Variants in MAN1A2 observed in about 807,000 individuals in gnomAD.
The protein encoded by MAN1A2 is mannosidase alpha class 1A member 2, also known as mannosyl-oligosaccharide 1,2-alpha-mannosidase IB.
Under a neutral mutation model 75.7 loss-of-function variants are expected in MAN1A2, and 26 were observed. The observed-to-expected ratio is 0.34, with a 90% confidence interval of 0.25 to 0.48. MAN1A2 has a LOEUF of 0.48. MAN1A2 is among the 20% of genes least tolerant of loss of function. The pLI, the probability that MAN1A2 is intolerant of heterozygous loss-of-function variation, is 0.99. For synonymous variants in MAN1A2, 247 were observed against 264.6 expected, an observed-to-expected ratio of 0.93 and a Z score of 0.65; for missense variants, 562 against 775.5, an observed-to-expected ratio of 0.72 and a Z score of 3.27.
chr1:117,405,688 C>T (rs751349838), intron 3 of MAN1A2, 43 bp downstream of exon 3: 2 of 1,078,648 alleles, frequency 1.9e-6, no homozygotes, highest in South Asian at 2.6e-5. Flanking sequence ...TTTCTACCTC[C>T]ATCTTTTAAA....
chr1:117,386,818 C>A (rs1049252659), intron 1 of MAN1A2, among the ~76,000 whole-genome samples: 1 of 151,932 alleles, frequency 6.6e-6, no homozygotes, highest in African/African-American at 2.4e-5. Flanking sequence ...TATATTTCCA[C>A]GTAATCGGGA....
chr1:117,395,803 TCTGGCACCA>T (rs540539174), intron 1 of MAN1A2, among the ~76,000 whole-genome samples: 171 of 152,272 alleles, frequency 1.1e-3, no homozygotes, highest in Non-Finnish European at 1.0e-3. Context: ...CACTCTCACA[TCTGGCACCA>T]CTTGCAAATT....
At chr1:117,475,764 T>C (rs1026781224) in intron 8 of MAN1A2, among the ~76,000 whole-genome samples, 2 of 152,188 alleles carry the variant, frequency 1.3e-5, no homozygotes, top group African/African-American at 4.8e-5. Flanking sequence ...CAGTCTATCA[T>C]TGATGGGCAT....
At chr1:117,411,367 A>G (rs768377062) in intron 3 of MAN1A2, among the ~76,000 whole-genome samples, 16 of 151,808 alleles carry the variant, frequency 1.1e-4, no homozygotes, top group Admixed American at 5.9e-4. Context: ...TGCTGGGTCA[A>G]CTGTATATTT....
At chr1:117,438,974 A>G (rs12401325) in intron 5 of MAN1A2, among the ~76,000 whole-genome samples, 11,624 of 152,310 alleles carry the variant, frequency 0.076, 498 homozygotes, top group Middle Eastern at 0.15. Flanking sequence ...AGGAGTTTAA[A>G]TTTCAAATAG....
rs59022844 is a variant in MAN1A2 at position 117,526,880 on chromosome 1, C to CTATATATATATATA, written c.*3939_*3952dup. On this transcript the variant is annotated 3_prime_UTR_variant, in exon 13 of 13. Transcript: ENST00000356554. ...TCTCTCTCTCTCTCTCTCTCTCTCT[C>CTATATATATATATA]TATATATATATATATATATATATAT... is the stretch of plus-strand genomic sequence containing the variant. 56 of 54,494 alleles carry CTATATATATATATA rather than the reference C, an allele frequency of 1.0e-3. No homozygotes were observed. The highest frequency in any genetic ancestry group is 2.1e-3 in the African/African-American group (26 of 12,280). The allele number at this position is 54,494 out of a possible 1,614,324, so 3.4% of individuals were successfully genotyped here. A position where few individuals can be genotyped will look rare whatever the true frequency, so the allele number is the denominator to read the frequency against.
intron 5 of MAN1A2, among the ~76,000 whole-genome samples, chr1:117,431,629 T>G (rs575315786): frequency 6.6e-6 from 1 of 152,312 alleles, no homozygotes; most frequent in Non-Finnish European, 1.5e-5. Context: ...ATAAAACACA[T>G]TCAGTCAATT....
Position 117,487,222 on chromosome 1 carries a change from A to T in MAN1A2, c.1169-5925A>T, listed in dbSNP as rs1022647438. ...GGGAAGTTATTTCAGAATGTGATTC[A>T]GTAAAACAGGTGTAGACAAAGACTT... On this transcript the variant is annotated intron_variant, in intron 8 of 12. Coordinates refer to ENST00000356554, the MANE Select transcript of MAN1A2 (RefSeq NM_006699.5). 2.6e-5 allele frequency among the ~76,000 whole-genome samples: 4 copies of T among 152,078 alleles called. No homozygotes were observed. The South Asian group carries it at 8.3e-4, about 31-fold the overall frequency.
At chr1:117,417,216 T>C (rs1648022230) in intron 4 of MAN1A2, among the ~76,000 whole-genome samples, 1 of 152,138 alleles carries the variant, frequency 6.6e-6, no homozygotes, top group South Asian at 2.1e-4. Context: ...TTTTTGTTCC[T>C]TTCTTTCAAC....
intron 10 of MAN1A2, 79 bp from the exon 11 acceptor site, chr1:117,499,303 C>T (rs1180501390): frequency 9.6e-7 from 1 of 1,044,832 alleles, no homozygotes; most frequent in African/African-American, 1.7e-5. Context: ...ATATTCTGTT[C>T]TTTCAGGGAA....
chr1:117,400,430 A>G (rs1460651065), intron 1 of MAN1A2, among the ~76,000 whole-genome samples: 1 of 150,898 alleles, frequency 6.6e-6, no homozygotes, highest in South Asian at 2.1e-4. Flanking sequence ...CGTGCTATTC[A>G]TGTAACTACC....
intron 12 of MAN1A2, among the ~76,000 whole-genome samples, chr1:117,518,608 A>G (rs912080566): frequency 1.3e-5 from 2 of 152,110 alleles, no homozygotes; most frequent in Non-Finnish European, 2.9e-5. Flanking sequence ...ATATAATGAT[A>G]AAAGGTCTTG....
At chr1:117,430,941 A>C (rs1164700946) in intron 5 of MAN1A2, among the ~76,000 whole-genome samples, 1 of 128,302 alleles carries the variant, frequency 7.8e-6, no homozygotes, top group African/African-American at 3.0e-5. Context: ...AGTGAACGAG[A>C]CTCCGTCTGC....
At chr1:117,487,683 A>G (rs1049792733) in intron 8 of MAN1A2, among the ~76,000 whole-genome samples, 3 of 152,060 alleles carry the variant, frequency 2.0e-5, no homozygotes, top group Admixed American at 6.6e-5. Flanking sequence ...TGATATATAC[A>G]TATTTCAAAA....
At chr1:117,488,383 A>G (rs1047152680) in intron 8 of MAN1A2, among the ~76,000 whole-genome samples, 2 of 151,914 alleles carry the variant, frequency 1.3e-5, no homozygotes, top group African/African-American at 4.8e-5. Context: ...TTTAGTAGAG[A>G]TGGAGTTTCA....
At chr1:117,396,207 T>G (rs1653900427) in intron 1 of MAN1A2, among the ~76,000 whole-genome samples, 1 of 152,210 alleles carries the variant, frequency 6.6e-6, no homozygotes, top group Non-Finnish European at 1.5e-5. Context: ...GTTTATGACA[T>G]GGCCAGCTTT....
chr1:117,520,851 A>G lies in MAN1A2; in HGVS notation c.1794-1974A>G, dbSNP rs1651849197. On this transcript the variant is annotated intron_variant, in intron 12 of 12. Transcript: ENST00000356554. Reference sequence around the variant, plus strand: ...TTCATATGGAACAAAAAAAGAGCCTACATAGCCAAGGCAAGACTAAGCAAA... The same window carrying G: ...TTCATATGGAACAAAAAAAGAGCCTGCATAGCCAAGGCAAGACTAAGCAAA... Among the ~76,000 whole-genome samples, 3 of 152,028 alleles carry G rather than the reference A, an allele frequency of 2.0e-5. No homozygotes were observed. The South Asian group carries it at 6.2e-4, about 31-fold the overall frequency.
chr1:117,421,182 T>C (rs1315851346), intron 5 of MAN1A2, among the ~76,000 whole-genome samples: 1 of 151,992 alleles, frequency 6.6e-6, no homozygotes, highest in Admixed American at 6.6e-5. Flanking sequence ...CCTTTTACTA[T>C]TGAAATAGGT....
intron 8 of MAN1A2, among the ~76,000 whole-genome samples, chr1:117,469,226 A>G (rs538836790): frequency 1.3e-5 from 2 of 152,216 alleles, no homozygotes; most frequent in South Asian, 2.1e-4. Flanking sequence ...TTTCTCTTCA[A>G]CGTTGTGTTG....
Sources: allele counts gnomAD v4.1 joint callset (sites outside exome capture counted in the v4.1 genomes callset), GRCh38; gene constraint gnomAD v4.1.1; transcripts MANE v1.5; gene names NCBI Gene and HGNC (gene_info 2026-07-23, HGNC 2026-07-21).